CFAP299: variants seen among roughly 807,000 people sequenced by gnomAD.
CFAP299 encodes the protein cilia and flagella associated protein 299.
In CFAP299, 21 loss-of-function variants were observed where a neutral mutation model predicts 27.0. That is an observed-to-expected ratio of 0.78 (90% CI 0.55 to 1.12). CFAP299 has a LOEUF of 1.12. Ranked by LOEUF, CFAP299 falls within the 50% of genes most tolerant of loss-of-function variation. The pLI is 0.00. For missense variants in CFAP299, 310 were observed against 276.6 expected, an observed-to-expected ratio of 1.12 and a Z score of -0.86; for synonymous variants, 104 against 98.1, an observed-to-expected ratio of 1.06 and a Z score of -0.36.
At chr4:80,693,391 T>C (rs1229117602) in intron 3 of CFAP299, among the ~76,000 whole-genome samples, 1 of 151,878 alleles carries the variant, frequency 6.6e-6, no homozygotes, top group African/African-American at 2.4e-5. Context: ...GTTTATGTCC[T>C]TTGTAGGGAC....
intron 2 of CFAP299, among the ~76,000 whole-genome samples, chr4:80,474,004 T>C (rs1730148555): frequency 6.6e-6 from 1 of 152,224 alleles, no homozygotes; most frequent in South Asian, 2.1e-4. Context: ...TTAAAAATTA[T>C]GATTTTAAAA....
intron 2 of CFAP299, among the ~76,000 whole-genome samples, chr4:80,463,402 G>A (rs907412070): frequency 6.6e-6 from 1 of 152,124 alleles, no homozygotes; most frequent in African/African-American, 2.4e-5. Flanking sequence ...TGATATTAAT[G>A]TGATTACATA....
At chr4:80,707,699 T>G (rs1000449402) in intron 3 of CFAP299, among the ~76,000 whole-genome samples, 7 of 152,108 alleles carry the variant, frequency 4.6e-5, no homozygotes. Context: ...TTCATAATGC[T>G]TCTTACTTCT....
chr4:80,664,041 G>T (rs1741011419), intron 3 of CFAP299, among the ~76,000 whole-genome samples: 1 of 152,108 alleles, frequency 6.6e-6, no homozygotes, highest in Non-Finnish European at 1.5e-5. Context: ...TTAGCCCTTT[G>T]TCAGATGAAT....
chr4:80,699,763 C>T (rs1721352805), intron 3 of CFAP299, among the ~76,000 whole-genome samples: 1 of 152,064 alleles, frequency 6.6e-6, no homozygotes, highest in African/African-American at 2.4e-5. Flanking sequence ...CTGGACACAA[C>T]CTAGACTTAA....
chr4:80,923,390 G>A (rs1372687128), intron 4 of CFAP299, among the ~76,000 whole-genome samples: 8 of 151,888 alleles, frequency 5.3e-5, no homozygotes, highest in Middle Eastern at 3.2e-3. Flanking sequence ...ATATAAAAAG[G>A]CATTTTGAGC....
At position 80,896,865 on chromosome 4, in the gene CFAP299, A is replaced by G. The variant is rs573698261; in HGVS notation, c.476+26730A>G. 1.2e-4 allele frequency among the ~76,000 whole-genome samples: 18 copies of G among 152,288 alleles called. No homozygotes were observed. The East Asian group carries it at 3.5e-3, about 29-fold the overall frequency. On this transcript the variant is annotated intron_variant, in intron 4 of 5. Coordinates refer to ENST00000358105, the MANE Select transcript of CFAP299 (RefSeq NM_152770.3). ...TGCATTAAGGTGTGATTAATCAATCATACCTTGCTGCTATAATAATTTATT... is the reference window on the plus strand; with the variant it reads ...TGCATTAAGGTGTGATTAATCAATCGTACCTTGCTGCTATAATAATTTATT...
At chr4:80,437,663 G>T (rs1438679773) in intron 2 of CFAP299, among the ~76,000 whole-genome samples, 4 of 152,102 alleles carry the variant, frequency 2.6e-5, no homozygotes, top group Non-Finnish European at 5.9e-5. Flanking sequence ...ATCTTCCAAG[G>T]CTGGTCACTA....
chr4:80,934,980 A>G (rs1560483206), intron 4 of CFAP299, among the ~76,000 whole-genome samples: 1 of 150,738 alleles, frequency 6.6e-6, no homozygotes, highest in East Asian at 1.9e-4. Context: ...TTTATTTGAG[A>G]TTTTTTTCTG....
At chr4:80,854,836 A>T (rs1025102364) in intron 3 of CFAP299, among the ~76,000 whole-genome samples, 2 of 138,854 alleles carry the variant, frequency 1.4e-5, no homozygotes, top group South Asian at 2.4e-4. Context: ...AAAAAAAAAA[A>T]ACAGAAAAGG....
At chr4:80,876,801 C>T (rs2110172988) in intron 4 of CFAP299, among the ~76,000 whole-genome samples, 1 of 152,206 alleles carries the variant, frequency 6.6e-6, no homozygotes, top group East Asian at 1.9e-4. Flanking sequence ...CCCAATCCTT[C>T]CCAGGTCATA....
chr4:80,387,459 G>T, intron 2 of CFAP299: 2 of 833,046 alleles, frequency 2.4e-6, no homozygotes, highest in Non-Finnish European at 2.1e-6. Flanking sequence ...ACCTGCTTGG[G>T]TTTCCGGCTT....
intron 2 of CFAP299, among the ~76,000 whole-genome samples, chr4:80,438,907 A>T (rs1162811469): frequency 6.6e-6 from 1 of 152,128 alleles, no homozygotes; most frequent in Non-Finnish European, 1.5e-5. Flanking sequence ...TGTCTTTTTG[A>T]TTATTGGATT....
chr4:80,641,963 C>T (rs1375380228), intron 3 of CFAP299, among the ~76,000 whole-genome samples: 2 of 152,198 alleles, frequency 1.3e-5, no homozygotes, highest in African/African-American at 4.8e-5. Context: ...TGCATGAATG[C>T]ATGTACCTAC....
intron 3 of CFAP299, among the ~76,000 whole-genome samples, chr4:80,608,602 C>T (rs772412085): frequency 3.4e-4 from 51 of 151,822 alleles, no homozygotes; most frequent in Admixed American, 5.2e-4. Flanking sequence ...TGAAAAAAAG[C>T]GCATTGTAGA....
chr4:80,827,776 T>G (rs947778073), intron 3 of CFAP299, among the ~76,000 whole-genome samples: 10 of 151,868 alleles, frequency 6.6e-5, no homozygotes, highest in African/African-American at 1.9e-4. Context: ...TGCTTATAGG[T>G]GATATGATGT....
intron 2 of CFAP299, among the ~76,000 whole-genome samples, chr4:80,453,742 A>G (rs1354483247): frequency 6.6e-6 from 1 of 151,080 alleles, no homozygotes; most frequent in East Asian, 1.9e-4. Context: ...TCGGAAGGCC[A>G]AGGCAGGAGA....
intron 3 of CFAP299, among the ~76,000 whole-genome samples, chr4:80,767,839 T>C (rs1335050632): frequency 6.6e-6 from 1 of 152,214 alleles, no homozygotes. Flanking sequence ...GTAACTTAGG[T>C]TGACTTGTTC....
At chr4:80,671,551 T>C (rs1283071134) in intron 3 of CFAP299, among the ~76,000 whole-genome samples, 2 of 152,196 alleles carry the variant, frequency 1.3e-5, no homozygotes, top group Non-Finnish European at 2.9e-5. Context: ...GGTAGCTTGA[T>C]GGGGATGGCA....
Sources: allele counts gnomAD v4.1 joint callset (sites outside exome capture counted in the v4.1 genomes callset), GRCh38; gene constraint gnomAD v4.1.1; transcripts MANE v1.5; gene names NCBI Gene and HGNC (gene_info 2026-07-23, HGNC 2026-07-21).